Variants in SNRK observed in about 807,000 individuals in gnomAD.
SNRK encodes SNF related kinase, also known as SNF-related serine/threonine-protein kinase.
A neutral mutation model predicts 48.2 loss-of-function variants in SNRK; 3 were observed. The observed-to-expected ratio is 0.06, with a 90% CI of 0.03 to 0.16. The LOEUF (loss-of-function observed/expected upper bound fraction) is 0.16, where lower values mean the gene tolerates loss of function less well. SNRK is among the 10% of genes least tolerant of loss of function. The probability of loss-of-function intolerance (pLI) is 1.00; values close to 1 mark genes in which losing one functional copy is unlikely to be tolerated. For missense variants in SNRK, 627 were observed against 976.0 expected, an observed-to-expected ratio of 0.64 and a Z score of 4.76; for synonymous variants, 376 against 366.1, an observed-to-expected ratio of 1.03 and a Z score of -0.31.
chr3:43,305,627 C>A (rs1424733368), intron 3 of SNRK, among the ~76,000 whole-genome samples: 1 of 151,784 alleles, frequency 6.6e-6, no homozygotes, highest in Non-Finnish European at 1.5e-5. Flanking sequence ...GGACTACCGG[C>A]CCCCTGCCAC....
In SNRK at chr3:43,286,647, T is replaced by C. The variant is rs2125607980; in HGVS notation, c.-197T>C. 1 of 149,638 alleles carries C rather than the reference T, an allele frequency of 6.7e-6. No homozygotes were observed. Among genetic ancestry groups the C allele is most frequent in the South Asian group, 2.1e-4 (1 of 4,810 alleles). The allele number at this position is 149,638 out of a possible 1,614,324, so 9.3% of individuals were successfully genotyped here. ...AGGGAGTTGTCGGCGCCGCGGCCGC[T>C]GCGGACGGACGCTCGCCTGCCGGCT... On this transcript the variant is annotated 5_prime_UTR_variant, in exon 1 of 7. Transcript: ENST00000296088.
intron 3 of SNRK, among the ~76,000 whole-genome samples, chr3:43,306,236 A>G (rs914165496): frequency 7.9e-6 from 1 of 126,426 alleles, no homozygotes; most frequent in African/African-American, 3.0e-5. Flanking sequence ...GCTATTTTTA[A>G]AAAAAAGGAC....
intron 6 of SNRK, among the ~76,000 whole-genome samples, 198 bp downstream of exon 6, chr3:43,343,676 C>G (rs1347938683): frequency 2.0e-5 from 3 of 152,056 alleles, no homozygotes; most frequent in African/African-American, 7.2e-5. Context: ...GATGCCGTCC[C>G]CTTCTGGGCT....
intron 3 of SNRK, among the ~76,000 whole-genome samples, chr3:43,304,843 G>A (rs1461765602): frequency 6.6e-6 from 1 of 152,052 alleles, no homozygotes. Flanking sequence ...TGACTATCAT[G>A]TTCTGGAAAA....
chr3:43,350,756 T>A lies in SNRK; in HGVS notation c.*2199T>A, dbSNP rs1335967838. The A allele has an allele frequency of 6.5e-6, 1 of 152,680 alleles. No homozygotes were observed. The highest frequency in any genetic ancestry group is 1.9e-4 in the East Asian group (1 of 5,204). The allele number at this position is 152,680 out of a possible 1,614,324, so 9.5% of individuals were successfully genotyped here. A position where few individuals can be genotyped will look rare whatever the true frequency, so the allele number is the denominator to read the frequency against. On this transcript the variant is annotated 3_prime_UTR_variant, in exon 7 of 7. Coordinates refer to ENST00000296088, the MANE Select transcript of SNRK (RefSeq NM_017719.5). ...ATTGGACCAAACTACTTACTTGCTC[T>A]AAACAGTTACTTGTACCCCTTAACC...
chr3:43,339,861 A>ATATATATATG (rs2091221328), intron 4 of SNRK, among the ~76,000 whole-genome samples: 12 of 64,524 alleles, frequency 1.9e-4, no homozygotes, highest in Non-Finnish European at 3.1e-4. Context: ...ATATATATAT[A>ATATATATATG]TATATATATA....
At chr3:43,286,858 G>C (rs1223211373) in intron 1 of SNRK, among the ~76,000 whole-genome samples, 183 bp downstream of exon 1, 1 of 145,776 alleles carries the variant, frequency 6.9e-6, no homozygotes, top group African/African-American at 2.5e-5. Flanking sequence ...GGGAGGACGC[G>C]GGGCCCGGGC....
At chr3:43,299,471 C>T (rs905419820) in intron 1 of SNRK, among the ~76,000 whole-genome samples, 5 of 152,146 alleles carry the variant, frequency 3.3e-5, no homozygotes, top group Admixed American at 6.6e-5. Flanking sequence ...CCACCGCACC[C>T]GGCCTTGTTC....
At chr3:43,342,125 T>C (rs887971772) in intron 5 of SNRK, among the ~76,000 whole-genome samples, 4 of 152,352 alleles carry the variant, frequency 2.6e-5, no homozygotes, top group Non-Finnish European at 2.9e-5. Flanking sequence ...TAAATACATA[T>C]ATACATGTAG....
At chr3:43,287,836 G>T (rs939620399) in intron 1 of SNRK, among the ~76,000 whole-genome samples, 3 of 152,154 alleles carry the variant, frequency 2.0e-5, no homozygotes, top group Non-Finnish European at 2.9e-5. Flanking sequence ...TATGTAATCA[G>T]TTTGTTAATT....
At chr3:43,339,808 C>T (rs1378660801) in intron 4 of SNRK, among the ~76,000 whole-genome samples, 1 of 104,648 alleles carries the variant, frequency 9.6e-6, no homozygotes, top group Non-Finnish European at 1.9e-5. Flanking sequence ...GAGTGGGACT[C>T]CATTTCCAAA....
intron 1 of SNRK, among the ~76,000 whole-genome samples, chr3:43,297,271 G>A (rs912159846): frequency 5.9e-5 from 9 of 152,188 alleles, no homozygotes; most frequent in African/African-American, 2.2e-4. Context: ...CGGACCTGAT[G>A]AGAAGTCATC....
At chr3:43,323,834 T>C (rs1453732027) in intron 3 of SNRK, among the ~76,000 whole-genome samples, 7 of 152,154 alleles carry the variant, frequency 4.6e-5, no homozygotes, top group Admixed American at 1.3e-4. Flanking sequence ...GTCTGCATTA[T>C]TGAGAAAAAC....
chr3:43,326,382 CTT>C (rs992043907), intron 3 of SNRK, among the ~76,000 whole-genome samples: 11 of 152,016 alleles, frequency 7.2e-5, no homozygotes, highest in South Asian at 4.1e-4. Flanking sequence ...TTGCAGAACT[CTT>C]TTGAAAAATT....
intron 4 of SNRK, among the ~76,000 whole-genome samples, chr3:43,339,988 T>C (rs1333371597): frequency 6.6e-6 from 1 of 151,210 alleles, no homozygotes; most frequent in Non-Finnish European, 1.5e-5. Flanking sequence ...AATTTAATTC[T>C]GGTATGTCAC....
At chr3:43,297,385 T>A (rs2125615763) in intron 1 of SNRK, among the ~76,000 whole-genome samples, 1 of 152,348 alleles carries the variant, frequency 6.6e-6, no homozygotes, top group Non-Finnish European at 1.5e-5. Flanking sequence ...AGCTTGTTTT[T>A]TGGAGAGAAG....
intron 1 of SNRK, among the ~76,000 whole-genome samples, chr3:43,298,290 C>G (rs1026733167): frequency 6.6e-6 from 1 of 152,158 alleles, no homozygotes; most frequent in Admixed American, 6.5e-5. Flanking sequence ...TATTACTGTA[C>G]TACCGCACTG....
intron 1 of SNRK, among the ~76,000 whole-genome samples, chr3:43,295,827 C>T (rs1013157067): frequency 1.3e-5 from 2 of 152,300 alleles, no homozygotes; most frequent in African/African-American, 4.8e-5. Context: ...CAACCTCCAC[C>T]TCCTGTGGTC....
At chr3:43,345,714 T>C (rs1405023128) in intron 6 of SNRK, among the ~76,000 whole-genome samples, 5 of 152,184 alleles carry the variant, frequency 3.3e-5, no homozygotes, top group African/African-American at 9.7e-5. Flanking sequence ...AAGATGTGGC[T>C]TAGCTGAAAG....
Sources: allele counts gnomAD v4.1 joint callset (sites outside exome capture counted in the v4.1 genomes callset), GRCh38; gene constraint gnomAD v4.1.1; transcripts MANE v1.5; gene names NCBI Gene and HGNC (gene_info 2026-07-23, HGNC 2026-07-21).